BRD4: variants seen among roughly 807,000 people sequenced by gnomAD.
The protein encoded by BRD4 is bromodomain containing 4.
A neutral mutation model predicts 142.1 loss-of-function variants in BRD4; 16 were observed. The observed-to-expected ratio is 0.11, with a 90% CI of 0.08 to 0.17. The LOEUF (loss-of-function observed/expected upper bound fraction) is 0.17. Ranked by LOEUF, BRD4 falls within the 10% of genes least tolerant of loss-of-function variation. The pLI is 1.00. For missense variants in BRD4, 1,424 were observed against 1,810.9 expected (o/e 0.79, Z 3.88); for synonymous variants, 833 against 707.5 (o/e 1.18, Z -2.82).
At chr19:15,269,865 T>C (rs771530166) in intron 2 of BRD4, among the ~76,000 whole-genome samples, 1 of 152,240 alleles carries the variant, frequency 6.6e-6, no homozygotes, top group Non-Finnish European at 1.5e-5. Context: ...TCTCTAAATC[T>C]AAACCTATTC....
chr19:15,320,499 T>A (rs1209515756), intron 1 of BRD4, among the ~76,000 whole-genome samples: 1 of 152,190 alleles, frequency 6.6e-6, no homozygotes, highest in Non-Finnish European at 1.5e-5. Context: ...TAACAACTTG[T>A]TATTTATATG....
Position 15,273,030 on chromosome 19 carries a change from A to G in BRD4, c.70T>C (p.Ser24Pro), listed in dbSNP as rs1300082154. 6.2e-7 allele frequency: 1 copy of G among 1,613,686 alleles called. No individual in the cohort carries two copies. Among genetic ancestry groups the G allele is most frequent in the South Asian group, 1.1e-5 (1 of 91,054 alleles). ...LPVMGDGLET[S>P]QMSTTQAQAQ... ...TGGGCCTGTGTTGTAGACATTTGGG[A>G]AGTTTCTAGTCCATCCCCCATTACT... The change falls in exon 2 of 20, where the codon TCC (serine) becomes CCC (proline). Residue 24 changes from serine (S) to proline (P), a missense_variant. By Grantham distance (74) the Ser-to-Pro change is moderately conservative. Coordinates refer to ENST00000679869, the MANE Select transcript of BRD4 (RefSeq NM_001379291.1).
At position 15,255,923 on chromosome 19, in the gene BRD4, C is replaced by T. The variant is rs1462547121; in HGVS notation, c.1751+141G>A. ...GCTAAGTCCTGTGTGCAAGTGGCCA[C>T]CAGCCTGGCCTGTGAAGCCACGGCT... On this transcript the variant is annotated intron_variant, in intron 9 of 19. Coordinates refer to ENST00000679869, the MANE Select transcript of BRD4 (RefSeq NM_001379291.1). The T allele has an allele frequency of 4.4e-6, 5 of 1,127,954 alleles. No homozygotes were observed. The South Asian group carries it at 7.7e-5, about 17-fold the overall frequency. The allele number at this position is 1,127,954 out of a possible 1,614,324, so 69.9% of individuals were successfully genotyped here.
At chr19:15,243,679 G>A (rs895971988) in intron 13 of BRD4, among the ~76,000 whole-genome samples, 192 bp from the exon 14 acceptor site, 1 of 152,152 alleles carries the variant, frequency 6.6e-6, no homozygotes, top group Non-Finnish European at 1.5e-5. Flanking sequence ...GAGAGCTTTA[G>A]GGCGGTGTCA....
At chr19:15,260,684 C>T (rs1212185059) in intron 7 of BRD4, among the ~76,000 whole-genome samples, 2 of 151,678 alleles carry the variant, frequency 1.3e-5, no homozygotes, top group Admixed American at 6.6e-5. Flanking sequence ...ACCTGGAGCC[C>T]GTGTGTAGGA....
In BRD4 at chr19:15,256,255, G is replaced by A. The variant is rs185578946; in HGVS notation, c.1560C>T (p.Ala520=). 3.2e-5 allele frequency: 52 copies of A among 1,611,290 alleles called. No individual in the cohort carries two copies. Among genetic ancestry groups the A allele is most frequent in the Admixed American group, 5.0e-5 (3 of 59,500 alleles). Residue 520 remains alanine (A), a synonymous_variant, in exon 9 of 20, where the codon GCC becomes GCT. Transcript: ENST00000679869. ...RLAELQEQLK[A]VHEQLAALSQ... ...AGAGGGCTGCAAGCTGCTCGTGCAC[G>A]GCTTTGAGCTGTAGACCAGACAGGC...
At chr19:15,249,610 G>A (rs756364746) in intron 11 of BRD4, among the ~76,000 whole-genome samples, 44 of 152,168 alleles carry the variant, frequency 2.9e-4, no homozygotes, top group Admixed American at 4.6e-4. Context: ...AGCGCACGCC[G>A]GCATTTCCTT....
chr19:15,313,971 C>T (rs1185891261), intron 1 of BRD4, among the ~76,000 whole-genome samples: 1 of 152,086 alleles, frequency 6.6e-6, no homozygotes, highest in African/African-American at 2.4e-5. Context: ...TTACACAGAC[C>T]AAATTTAAGA....
rs200659364 is a variant in BRD4, at chr19:15,263,533, G to A, written c.1228C>T (p.Arg410Cys). ...AACTCCTGAGCATCACGGTACTCACGGGCCTCCAGTTTAGACTGGAAAACA... is the reference window on the plus strand; with the variant it reads ...AACTCCTGAGCATCACGGTACTCACAGGCCTCCAGTTTAGACTGGAAAACA... ...MSTIKSKLEA[R>C]EYRDAQEFGA... The change falls in exon 7 of 20, where the codon CGT (arginine) becomes TGT (cysteine). Residue 410 changes from arginine (R) to cysteine (C), a missense_variant. By Grantham distance (180) the Arg-to-Cys change is radical (BLOSUM62 -3). Around this residue, in one of 16 missense-constraint regions of BRD4, gnomAD observed 26 missense variants for 20.2 expected, o/e 1.29. Transcript: ENST00000679869. 4.5e-5 allele frequency: 73 copies of A among 1,614,068 alleles called. No homozygotes were observed. The highest frequency in any genetic ancestry group is 1.6e-4 in the Middle Eastern group (1 of 6,084).
At chr19:15,327,903 G>C (rs1162320555) in intron 1 of BRD4, among the ~76,000 whole-genome samples, 2 of 93,964 alleles carry the variant, frequency 2.1e-5, no homozygotes, top group Admixed American at 1.7e-4. Context: ...GGAATGATAG[G>C]TAATGGATTT....
In BRD4 at chr19:15,253,803, G is replaced by A. The variant is rs754567877; in HGVS notation, c.2158+349C>T. The A allele has an allele frequency of 3.3e-5, 52 of 1,584,354 alleles. No homozygotes were observed. The African/African-American group carries it at 6.8e-4, about 21-fold the overall frequency. ...AGAAAGCTGGGTGTGGTCACATCAA[G>A]GTCAACAGCACAGCCTGGACCCCCA... On this transcript the variant is annotated intron_variant, in intron 11 of 19. Coordinates refer to ENST00000679869, the MANE Select transcript of BRD4 (RefSeq NM_001379291.1).
intron 1 of BRD4, among the ~76,000 whole-genome samples, chr19:15,308,147 CGGGGGGGGG>C (rs797004193): frequency 0.018 from 52 of 2,948 alleles, 9 homozygotes; most frequent in African/African-American, 0.064. Flanking sequence ...GTTGCGGGGC[CGGGGGGGGG>C]GGGGGGGGTG....
At chr19:15,321,379 T>C (rs929856171) in intron 1 of BRD4, among the ~76,000 whole-genome samples, 3 of 151,112 alleles carry the variant, frequency 2.0e-5, no homozygotes, top group African/African-American at 7.3e-5. Flanking sequence ...GAGATGCTGC[T>C]GGAGCTACCA....
chr19:15,279,837 C>A (rs1568395956), intron 1 of BRD4, among the ~76,000 whole-genome samples: 1 of 152,214 alleles, frequency 6.6e-6, no homozygotes, highest in Admixed American at 6.5e-5. Context: ...TCCCAGCGGA[C>A]CTCTTGAAAC....
chr19:15,302,728 G>A (rs375886388), intron 1 of BRD4, among the ~76,000 whole-genome samples: 10 of 150,598 alleles, frequency 6.6e-5, no homozygotes, highest in Non-Finnish European at 1.3e-4. Context: ...TTTCTGGGCC[G>A]GGCGCAGTGG....
At chr19:15,285,657 A>C (rs1432689903) in intron 1 of BRD4, among the ~76,000 whole-genome samples, 1 of 152,256 alleles carries the variant, frequency 6.6e-6, no homozygotes, top group African/African-American at 2.4e-5. Flanking sequence ...GAATGAAAAA[A>C]TTTTAAAAAG....
At chr19:15,300,936 A>C (rs917979473) in intron 1 of BRD4, among the ~76,000 whole-genome samples, 1 of 152,234 alleles carries the variant, frequency 6.6e-6, no homozygotes, top group African/African-American at 2.4e-5. Context: ...CAGGTCTTTA[A>C]CCAAAAGAAA....
At chr19:15,288,464 G>T (rs2047756831) in intron 1 of BRD4, among the ~76,000 whole-genome samples, 1 of 152,144 alleles carries the variant, frequency 6.6e-6, no homozygotes, top group Non-Finnish European at 1.5e-5. Context: ...TATAAACTTG[G>T]ACAATCACCC....
chr19:15,250,018 G>A (rs1337409646), intron 11 of BRD4, among the ~76,000 whole-genome samples: 3 of 152,128 alleles, frequency 2.0e-5, no homozygotes, highest in African/African-American at 7.2e-5. Flanking sequence ...CCTGGACCAG[G>A]GAGGGGCACT....
Sources: allele counts gnomAD v4.1 joint callset (sites outside exome capture counted in the v4.1 genomes callset), GRCh38; gene constraint gnomAD v4.1.1; regional missense constraint gnomAD v4.1.1; transcripts MANE v1.5; gene names NCBI Gene and HGNC (gene_info 2026-07-23, HGNC 2026-07-21).